Variants in PDE4D observed in about 807,000 individuals in gnomAD.
PDE4D encodes 3',5'-cyclic-AMP phosphodiesterase 4D.
PDE4D carries 24 observed loss-of-function variants against 87.4 expected under a neutral mutation model. The observed-to-expected ratio is 0.27, with a 90% CI of 0.20 to 0.39. The LOEUF is 0.39. PDE4D is among the 10% of genes least tolerant of loss of function. PDE4D has a pLI of 1.00. For synonymous variants in PDE4D, 384 were observed against 383.2 expected, an observed-to-expected ratio of 1.00 and a Z score of -0.02; for missense variants, 714 against 1,041.0, an observed-to-expected ratio of 0.69 and a Z score of 4.32.
intron 1 of PDE4D, chr5:60,520,958 CA>C (rs1751013932): frequency 6.6e-6 from 1 of 152,566 alleles, no homozygotes; most frequent in Non-Finnish European, 1.5e-5. Context: ...CATTCCTAAG[CA>C]GACCTCCATC....
chr5:59,440,142 G>C (rs1797379833), intron 1 of PDE4D, among the ~76,000 whole-genome samples: 1 of 152,082 alleles, frequency 6.6e-6, no homozygotes, highest in South Asian at 2.1e-4. Context: ...GTTATCACTA[G>C]ATAATTTAAT....
At chr5:59,908,887 A>T (rs1753135018) in intron 3 of PDE4D, among the ~76,000 whole-genome samples, 1 of 152,202 alleles carries the variant, frequency 6.6e-6, no homozygotes, top group African/African-American at 2.4e-5. Context: ...ACAAAGTGGT[A>T]GCTTAATTTT....
intron 1 of PDE4D, among the ~76,000 whole-genome samples, chr5:59,276,388 G>A (rs1035714624): frequency 6.6e-6 from 1 of 152,030 alleles, no homozygotes; most frequent in African/African-American, 2.4e-5. Context: ...ATAAACAAAT[G>A]AATTTTATAA....
chr5:59,375,839 A>G (rs1049533186), intron 1 of PDE4D, among the ~76,000 whole-genome samples: 3 of 152,244 alleles, frequency 2.0e-5, no homozygotes, highest in Non-Finnish European at 4.4e-5. Context: ...CTTATCCACC[A>G]CAATCAAGTA....
chr5:59,482,135 T>C (rs1804379865), intron 1 of PDE4D, among the ~76,000 whole-genome samples: 1 of 152,146 alleles, frequency 6.6e-6, no homozygotes, highest in Non-Finnish European at 1.5e-5. Flanking sequence ...CAACATCCCC[T>C]TAACATTCAT....
chr5:59,892,412 A>G (rs1751084904), intron 1 of PDE4D, among the ~76,000 whole-genome samples: 1 of 152,000 alleles, frequency 6.6e-6, no homozygotes, highest in South Asian at 2.1e-4. Context: ...TTTTGCAGGG[A>G]CGACTGATAC....
chr5:59,889,519 A>C (rs966030249), intron 1 of PDE4D, among the ~76,000 whole-genome samples: 1 of 152,122 alleles, frequency 6.6e-6, no homozygotes, highest in East Asian at 1.9e-4. Flanking sequence ...AAATAAATGA[A>C]TCAAACAAAG....
Position 58,977,200 on chromosome 5 carries a change from G to T in PDE4D, c.1698C>A (p.Val566=). ...TTTATCAGCTACTTACGATGTCAAT[G>T]ACCATTTTCCTTAAAGATTGTCTTT... The part of the protein sequence containing the change: ...KKQRQSLRKM[V]IDIVLATDMS... The change falls in exon 12 of 15, where the codon GTC becomes GTA. Residue 566 remains valine (V), a synonymous_variant. Coordinates refer to ENST00000340635, the MANE Select transcript of PDE4D (RefSeq NM_001104631.2). 2 of 1,608,690 alleles carry T rather than the reference G, an allele frequency of 1.2e-6. No individual in the cohort carries two copies. The highest frequency in any genetic ancestry group is 2.2e-5 in the South Asian group (2 of 90,174).
chr5:60,165,372 G>C (rs972520640), intron 2 of PDE4D, among the ~76,000 whole-genome samples: 1 of 152,140 alleles, frequency 6.6e-6, no homozygotes, highest in Non-Finnish European at 1.5e-5. Flanking sequence ...CTATCTGTTT[G>C]TTTGTTTTTA....
intron 1 of PDE4D, among the ~76,000 whole-genome samples, chr5:59,777,260 T>C (rs1764170241): frequency 1.3e-5 from 2 of 152,202 alleles, no homozygotes; most frequent in South Asian, 2.1e-4. Flanking sequence ...GCTCTCAGGC[T>C]AATTTCACCC....
intron 5 of PDE4D, among the ~76,000 whole-genome samples, chr5:59,126,129 G>A (rs1246904560): frequency 2.1e-5 from 3 of 142,510 alleles, no homozygotes; most frequent in South Asian, 2.3e-4. Flanking sequence ...GAGAGAGAGA[G>A]AAAGCAAGGA....
chr5:59,451,615 T>G (rs149005721), intron 1 of PDE4D, among the ~76,000 whole-genome samples: 3 of 152,320 alleles, frequency 2.0e-5, no homozygotes, highest in Middle Eastern at 3.4e-3. Context: ...TTCCTCAATC[T>G]TGTTTCACAG....
chr5:60,093,340 A>G (rs1775337089), intron 2 of PDE4D, among the ~76,000 whole-genome samples: 1 of 152,160 alleles, frequency 6.6e-6, no homozygotes, highest in South Asian at 2.1e-4. Flanking sequence ...CCTTCTTTTT[A>G]TATTCAGGAG....
chr5:60,015,827 A>T (rs73098731), intron 2 of PDE4D, among the ~76,000 whole-genome samples: 1 of 152,000 alleles, frequency 6.6e-6, no homozygotes, highest in African/African-American at 2.4e-5. Flanking sequence ...TTGGGTCTTC[A>T]GTCTGCTGGA....
chr5:60,445,719 C>T (rs1745592214), intron 1 of PDE4D, among the ~76,000 whole-genome samples: 1 of 152,082 alleles, frequency 6.6e-6, no homozygotes, highest in Admixed American at 6.5e-5. Flanking sequence ...TAGAGATTTG[C>T]TGGGCAACAT....
At chr5:59,786,056 T>TG (rs937197996) in intron 1 of PDE4D, among the ~76,000 whole-genome samples, 1 of 152,108 alleles carries the variant, frequency 6.6e-6, no homozygotes, top group Non-Finnish European at 1.5e-5. Flanking sequence ...TGCAGACTCG[T>TG]GGGCACTCTA....
intron 1 of PDE4D, among the ~76,000 whole-genome samples, chr5:59,769,671 C>T (rs1372315160): frequency 6.6e-6 from 1 of 152,158 alleles, no homozygotes; most frequent in African/African-American, 2.4e-5. Flanking sequence ...GAAGTGCAGA[C>T]ATTAAACAGC....
chr5:59,284,089 G>A (rs1419424171), intron 1 of PDE4D, among the ~76,000 whole-genome samples: 4 of 152,090 alleles, frequency 2.6e-5, no homozygotes, highest in Admixed American at 6.5e-5. Context: ...CTTTGCACAC[G>A]CATTTCTGGC....
At chr5:60,138,643 C>T (rs1343570798) in intron 2 of PDE4D, among the ~76,000 whole-genome samples, 1 of 151,992 alleles carries the variant, frequency 6.6e-6, no homozygotes, top group African/African-American at 2.4e-5. Context: ...TACGTTCTCA[C>T]TGAACTTAAG....
Sources: allele counts gnomAD v4.1 joint callset (sites outside exome capture counted in the v4.1 genomes callset), GRCh38; gene constraint gnomAD v4.1.1; transcripts MANE v1.5; gene names NCBI Gene and HGNC (gene_info 2026-07-23, HGNC 2026-07-21).